Variants in LUZP2 observed in about 807,000 individuals in gnomAD.
LUZP2 encodes leucine zipper protein 2.
In LUZP2, 52 loss-of-function variants were observed where a neutral mutation model predicts 51.6. The observed-to-expected ratio is 1.01, with a 90% CI of 0.81 to 1.27. LUZP2 has a LOEUF of 1.27. LUZP2 is among the 50% of genes most tolerant of loss of function. LUZP2 has a pLI of 0.00. For synonymous variants in LUZP2, 154 were observed against 137.3 expected (o/e 1.12, Z -0.85); for missense variants, 436 against 395.4 (o/e 1.10, Z -0.87).
chr11:24,914,378 G>A, intron 6 of LUZP2, 98 bp from the exon 7 acceptor site: 1 of 900,122 alleles, frequency 1.1e-6, no homozygotes, highest in Non-Finnish European at 1.8e-6. Flanking sequence ...GCTTTGCTTG[G>A]CTGCAAAATG....
chr11:24,558,593 G>A (rs1328741767), intron 1 of LUZP2, among the ~76,000 whole-genome samples: 2 of 152,104 alleles, frequency 1.3e-5, no homozygotes, highest in Non-Finnish European at 2.9e-5. Context: ...GGTAGGATTT[G>A]AAAATTTTGT....
intron 5 of LUZP2, among the ~76,000 whole-genome samples, chr11:24,829,343 G>A (rs539844074): frequency 1.3e-5 from 2 of 152,226 alleles, no homozygotes; most frequent in South Asian, 4.2e-4. Context: ...AGTAGGAAAA[G>A]TGTGCGTGCA....
At chr11:25,022,230 T>C (rs927798584) in intron 9 of LUZP2, among the ~76,000 whole-genome samples, 5 of 152,088 alleles carry the variant, frequency 3.3e-5, no homozygotes, top group African/African-American at 9.6e-5. Context: ...TTCATTATAA[T>C]TATTCAAATT....
At chr11:24,842,363 A>G (rs897536030) in intron 5 of LUZP2, among the ~76,000 whole-genome samples, 20 of 151,618 alleles carry the variant, frequency 1.3e-4, no homozygotes, top group African/African-American at 4.1e-4. Context: ...ATATGAATTA[A>G]TAAAATAGTT....
intron 5 of LUZP2, among the ~76,000 whole-genome samples, chr11:24,767,708 T>C (rs1472417815): frequency 6.6e-6 from 1 of 151,996 alleles, no homozygotes; most frequent in Admixed American, 6.5e-5. Flanking sequence ...AGGGCTCATC[T>C]CCATTTTAAT....
rs1564992 is a variant in LUZP2 at position 24,738,309 on chromosome 11, G to A, written c.333+7G>A. The A allele has an allele frequency of 0.32, 514,251 of 1,600,164 alleles. 87,959 individuals carry two copies. Among genetic ancestry groups the A allele is most frequent in the East Asian group, 0.58 (25,970 of 44,704 alleles). ...AGAAAAACACCAGGCTACTGTAAGT[G>A]TGTTTCTTCTTTGTGCCTTTTGCTT... is the stretch of plus-strand genomic sequence containing the variant. On this transcript the variant is annotated splice_region_variant and intron_variant, in intron 4 of 11. Transcript: ENST00000336930.
intron 1 of LUZP2, among the ~76,000 whole-genome samples, chr11:24,621,570 C>G (rs1226927646): frequency 6.6e-6 from 1 of 152,148 alleles, no homozygotes; most frequent in Admixed American, 6.5e-5. Context: ...TTCCTAAATT[C>G]TCTCTGTCAT....
At chr11:24,986,869 A>G (rs1856201770) in intron 9 of LUZP2, among the ~76,000 whole-genome samples, 3 of 151,830 alleles carry the variant, frequency 2.0e-5, no homozygotes, top group African/African-American at 7.2e-5. Flanking sequence ...AGTTTAAAAG[A>G]TATGAATTAA....
chr11:24,694,084 T>C (rs1857164069), intron 1 of LUZP2, among the ~76,000 whole-genome samples: 1 of 152,064 alleles, frequency 6.6e-6, no homozygotes, highest in African/African-American at 2.4e-5. Context: ...ATTATTTCTG[T>C]TTCTTTTCAA....
At chr11:24,825,067 A>G (rs556811503) in intron 5 of LUZP2, among the ~76,000 whole-genome samples, 1 of 152,112 alleles carries the variant, frequency 6.6e-6, no homozygotes, top group African/African-American at 2.4e-5. Flanking sequence ...TGTGTACACT[A>G]TGTGTAAACA....
chr11:25,018,702 G>A (rs1857239138), intron 9 of LUZP2, among the ~76,000 whole-genome samples: 1 of 150,534 alleles, frequency 6.6e-6, no homozygotes, highest in Non-Finnish European at 1.5e-5. Context: ...CTAGCTCCTG[G>A]GTTCAAGTGA....
At position 24,972,139 on chromosome 11, in the gene LUZP2, GA is replaced by G. The variant is rs10701148; in HGVS notation, c.523-4429del. ...CTGGGTGACAGCGGAGTGAGACTCC[GA>G]AAAAAAAAAAAAAAAAAAAAAACAC... On this transcript the variant is annotated intron_variant, in intron 7 of 11. Transcript: ENST00000336930. Among the ~76,000 whole-genome samples the G allele has an allele frequency of 4.3e-4, 14 of 32,798 alleles. No individual in the cohort carries two copies. The East Asian group carries it at 4.8e-3, about 11-fold the overall frequency. 21.5% of individuals were successfully genotyped at this position (32,798 alleles called of 152,430 possible). A position where few individuals can be genotyped will look rare whatever the true frequency, so the allele number is the denominator to read the frequency against.
intron 5 of LUZP2, among the ~76,000 whole-genome samples, chr11:24,843,149 T>C (rs1851087659): frequency 6.6e-6 from 1 of 151,962 alleles, no homozygotes; most frequent in African/African-American, 2.4e-5. Context: ...TACAAACATA[T>C]ATATTCATAT....
chr11:24,742,289 A>T (rs1859211155), intron 4 of LUZP2, among the ~76,000 whole-genome samples: 1 of 151,734 alleles, frequency 6.6e-6, no homozygotes, highest in Non-Finnish European at 1.5e-5. Flanking sequence ...TGTTTTCCAC[A>T]GTGGCTGTAC....
chr11:24,584,466 T>C (rs984679256), intron 1 of LUZP2, among the ~76,000 whole-genome samples: 2 of 152,232 alleles, frequency 1.3e-5, no homozygotes, highest in African/African-American at 4.8e-5. Flanking sequence ...CTTTCCATTC[T>C]GTAATTATAT....
chr11:24,730,970 C>T (rs1284019545), intron 2 of LUZP2, among the ~76,000 whole-genome samples: 1 of 151,672 alleles, frequency 6.6e-6, no homozygotes, highest in African/African-American at 2.4e-5. Context: ...AACTTTAACT[C>T]CTGTGAATGA....
At chr11:24,697,495 C>G (rs1002556930) in intron 1 of LUZP2, among the ~76,000 whole-genome samples, 1 of 152,176 alleles carries the variant, frequency 6.6e-6, no homozygotes, top group Non-Finnish European at 1.5e-5. Flanking sequence ...TGCCTCTAAC[C>G]TCACAAGCTA....
intron 5 of LUZP2, among the ~76,000 whole-genome samples, chr11:24,874,703 A>G (rs1366553809): frequency 6.6e-6 from 1 of 152,162 alleles, no homozygotes; most frequent in South Asian, 2.1e-4. Context: ...TTGCAGACTC[A>G]TGGAGTGTGG....
chr11:24,572,767 A>G (rs1011339656), intron 1 of LUZP2, among the ~76,000 whole-genome samples: 8 of 152,036 alleles, frequency 5.3e-5, no homozygotes, highest in Non-Finnish European at 8.8e-5. Flanking sequence ...AAAAGGTCTA[A>G]TTGCTCATCC....
Sources: gnomAD v4.1 joint callset for allele counts (sites outside exome capture counted in the v4.1 genomes callset) on GRCh38, gnomAD v4.1.1 for gene constraint, MANE v1.5 for transcripts, NCBI Gene and HGNC (gene_info 2026-07-23, HGNC 2026-07-21) for gene names.